The following FRMD5 variants were observed in gnomAD, a reference collection of about 807,000 sequenced individuals.
FRMD5 encodes the protein FERM domain-containing protein 5.
In FRMD5, 20 loss-of-function variants were observed where a neutral mutation model predicts 69.0. That is an observed-to-expected ratio of 0.29 (90% CI 0.20 to 0.42). The LOEUF is 0.42. Among genes scored for constraint, FRMD5 ranks in the 10% least tolerant of loss-of-function variants. The pLI is 1.00. For missense variants in FRMD5, 595 were observed against 708.6 expected (o/e 0.84, Z 1.82); for synonymous variants, 271 against 260.1 (o/e 1.04, Z -0.40).
intron 1 of FRMD5, among the ~76,000 whole-genome samples, chr15:44,097,382 C>G (rs779168813): frequency 6.6e-6 from 1 of 152,210 alleles, no homozygotes; most frequent in Non-Finnish European, 1.5e-5. Flanking sequence ...AGACTTCAGA[C>G]AAGCAGTCTG....
chr15:44,063,980 C>A, intron 1 of FRMD5: 2 of 234,588 alleles, frequency 8.5e-6, no homozygotes, highest in South Asian at 1.2e-4. Flanking sequence ...ACCAATTGCT[C>A]AGTTCCCCTG....
chr15:43,904,692 A>G (rs2089127944), intron 6 of FRMD5, among the ~76,000 whole-genome samples: 5 of 144,876 alleles, frequency 3.5e-5, no homozygotes, highest in Admixed American at 3.4e-4. Flanking sequence ...ACTGCATTCT[A>G]TATCCTTTTT....
At chr15:43,957,126 T>G (rs538654292) in intron 1 of FRMD5, among the ~76,000 whole-genome samples, 1 of 152,348 alleles carries the variant, frequency 6.6e-6, no homozygotes, top group South Asian at 2.1e-4. Flanking sequence ...ATTCTTAACC[T>G]TGTTTACAGA....
intron 1 of FRMD5, among the ~76,000 whole-genome samples, chr15:43,977,109 C>T (rs868548763): frequency 6.6e-6 from 1 of 152,002 alleles, no homozygotes; most frequent in South Asian, 2.1e-4. Flanking sequence ...GCTGGGATTA[C>T]AGGTGTGAGC....
At chr15:43,915,938 CTCTCT>C in intron 4 of FRMD5, among the ~76,000 whole-genome samples, 1 of 152,178 alleles carries the variant, frequency 6.6e-6, no homozygotes, top group Non-Finnish European at 1.5e-5. Context: ...CCGGTATCTC[CTCTCT>C]TAAGATCAGT....
At chr15:43,983,844 G>A (rs1566879068) in intron 1 of FRMD5, among the ~76,000 whole-genome samples, 1 of 152,088 alleles carries the variant, frequency 6.6e-6, no homozygotes, top group African/African-American at 2.4e-5. Flanking sequence ...TCATCTTCAG[G>A]GGCCTAGTGA....
chr15:44,176,155 A>G (rs907154216), intron 1 of FRMD5, among the ~76,000 whole-genome samples: 1 of 152,232 alleles, frequency 6.6e-6, no homozygotes, highest in Non-Finnish European at 1.5e-5. Flanking sequence ...ATTAATCAAG[A>G]TACTGTGGTA....
At chr15:43,939,898 A>C (rs2089832267) in intron 1 of FRMD5, among the ~76,000 whole-genome samples, 1 of 152,144 alleles carries the variant, frequency 6.6e-6, no homozygotes, top group South Asian at 2.1e-4. Flanking sequence ...TGCTTAGAAA[A>C]GCACCAGGCG....
intron 1 of FRMD5, among the ~76,000 whole-genome samples, chr15:44,146,045 T>C (rs879260998): frequency 6.6e-6 from 1 of 152,174 alleles, no homozygotes; most frequent in Non-Finnish European, 1.5e-5. Flanking sequence ...GACATGCAGG[T>C]TTGTTACATA....
At chr15:44,011,824 T>C (rs1046255021) in intron 1 of FRMD5, among the ~76,000 whole-genome samples, 19 of 152,164 alleles carry the variant, frequency 1.2e-4, no homozygotes, top group African/African-American at 4.3e-4. Flanking sequence ...CAAGAGGGTG[T>C]AGGAGGTCAC....
At chr15:44,004,190 C>A (rs1476504591) in intron 1 of FRMD5, among the ~76,000 whole-genome samples, 1 of 152,204 alleles carries the variant, frequency 6.6e-6, no homozygotes, top group Non-Finnish European at 1.5e-5. Context: ...TAGTAACACA[C>A]CCACACCAGT....
At chr15:44,183,814 T>C (rs2078052720) in intron 1 of FRMD5, among the ~76,000 whole-genome samples, 1 of 152,014 alleles carries the variant, frequency 6.6e-6, no homozygotes, top group African/African-American at 2.4e-5. Context: ...AAACCCTGTC[T>C]CTATTAAAAA....
chr15:43,880,686 G>A (rs1450585750), intron 13 of FRMD5, among the ~76,000 whole-genome samples: 1 of 152,246 alleles, frequency 6.6e-6, no homozygotes, highest in Non-Finnish European at 1.5e-5. Context: ...GCCATGACCA[G>A]GGCCACTTGC....
chr15:44,195,078 C>T lies in FRMD5; in HGVS notation c.-24G>A. On this transcript the variant is annotated 5_prime_UTR_variant, in exon 1 of 14. Coordinates refer to ENST00000417257, the MANE Select transcript of FRMD5 (RefSeq NM_032892.5). ...ATCTTCCCGCCCGCCCGCCCGGGAGCGACGCGGCGGCGCTGCGGACCCTGG... is the reference window on the plus strand; with the variant it reads ...ATCTTCCCGCCCGCCCGCCCGGGAGTGACGCGGCGGCGCTGCGGACCCTGG... 1 of 1,486,636 alleles carries T rather than the reference C, an allele frequency of 6.7e-7. No individual in the cohort carries two copies. 92.1% of individuals were successfully genotyped at this position (1,486,636 alleles called of 1,614,324 possible).
chr15:44,132,627 C>A (rs1161752988), intron 1 of FRMD5, among the ~76,000 whole-genome samples: 1 of 151,970 alleles, frequency 6.6e-6, no homozygotes, highest in African/African-American at 2.4e-5. Context: ...CAGGGTTTTG[C>A]TACATTTCCC....
intron 1 of FRMD5, among the ~76,000 whole-genome samples, chr15:44,112,469 ATTT>A (rs748146315): frequency 1.1e-4 from 16 of 140,948 alleles, no homozygotes; most frequent in African/African-American, 3.9e-4. Flanking sequence ...ACCTTCACTG[ATTT>A]TTTTTTTTTT....
intron 1 of FRMD5, among the ~76,000 whole-genome samples, chr15:44,104,053 A>C (rs1203092671): frequency 1.3e-5 from 2 of 152,154 alleles, no homozygotes; most frequent in Non-Finnish European, 2.9e-5. Context: ...ATCATTAACC[A>C]TGTGTGTTAT....
chr15:43,899,616 A>G (rs570632484), intron 7 of FRMD5, among the ~76,000 whole-genome samples: 3 of 152,304 alleles, frequency 2.0e-5, no homozygotes, highest in East Asian at 1.9e-4. Context: ...TGAGGCCGCC[A>G]TGGGAGGCAT....
At chr15:43,918,477 G>A (rs1164500670) in intron 4 of FRMD5, among the ~76,000 whole-genome samples, 1 of 152,170 alleles carries the variant, frequency 6.6e-6, no homozygotes, top group Non-Finnish European at 1.5e-5. Context: ...CTCCTTTTCT[G>A]TCTTTGGAAT....
Sources: gnomAD v4.1 joint callset for allele counts (sites outside exome capture counted in the v4.1 genomes callset) on GRCh38, gnomAD v4.1.1 for gene constraint, MANE v1.5 for transcripts, NCBI Gene and HGNC (gene_info 2026-07-23, HGNC 2026-07-21) for gene names.